VMP1: variants seen among roughly 807,000 people sequenced by gnomAD.
The protein encoded by VMP1 is vacuole membrane protein 1.
A neutral mutation model predicts 56.0 loss-of-function variants in VMP1; 11 were observed. The observed-to-expected ratio is 0.20, with a 90% CI of 0.12 to 0.32. VMP1 has a LOEUF of 0.32. Ranked by LOEUF, VMP1 falls within the 10% of genes least tolerant of loss-of-function variation. VMP1 has a pLI of 1.00. For missense variants in VMP1, 296 were observed against 490.3 expected (o/e 0.60, Z 3.74); for synonymous variants, 149 against 165.0 (o/e 0.90, Z 0.74).
At chr17:59,787,810 A>C (rs2037058245) in intron 7 of VMP1, among the ~76,000 whole-genome samples, 1 of 151,962 alleles carries the variant, frequency 6.6e-6, no homozygotes, top group South Asian at 2.1e-4. Flanking sequence ...GACAGAGTGA[A>C]CTTTGTCTCA....
At chr17:59,793,541 AC>A (rs1223755923) in intron 7 of VMP1, among the ~76,000 whole-genome samples, 1 of 116,696 alleles carries the variant, frequency 8.6e-6, no homozygotes, top group African/African-American at 2.6e-5. Context: ...TTAGGCAGGC[AC>A]CCACCTGAGT....
intron 4 of VMP1, among the ~76,000 whole-genome samples, chr17:59,737,862 T>C (rs1598315164): frequency 6.6e-6 from 1 of 151,994 alleles, no homozygotes. Flanking sequence ...CTCTGCCTCC[T>C]GGGTTCAAGC....
At chr17:59,709,883 C>A (rs766958986) in intron 1 of VMP1, among the ~76,000 whole-genome samples, 1 of 152,172 alleles carries the variant, frequency 6.6e-6, no homozygotes, top group Non-Finnish European at 1.5e-5. Context: ...GTAGTCCTAT[C>A]TTACTTACAT....
At chr17:59,742,732 C>T (rs1486688782) in intron 5 of VMP1, among the ~76,000 whole-genome samples, 1 of 152,000 alleles carries the variant, frequency 6.6e-6, no homozygotes, top group Admixed American at 6.6e-5. Flanking sequence ...GCAAGTGAAG[C>T]TTCATCTGTA....
chr17:59,735,332 TTTCAGACCCCTC>T lies in VMP1; in HGVS notation c.77_88del (p.Asp26_Ser29del). ...CTGTTTTAATCTCTGCACTATTGTT[TTTCAGACCCCTC>T]TTCAGTGAATGAAAAGAAGAGGAGG... On this transcript the variant is annotated splice_acceptor_variant and splice_polypyrimidine_tract_variant and coding_sequence_variant and intron_variant, in exon 3 of 12. Coordinates refer to ENST00000262291, the MANE Select transcript of VMP1 (RefSeq NM_030938.5). LOFTEE classifies it high-confidence loss of function. 6.2e-7 allele frequency: 1 copy of T among 1,613,722 alleles called. No homozygotes were observed. The highest frequency in any genetic ancestry group is 8.5e-7 in the Non-Finnish European group (1 of 1,179,838).
At chr17:59,708,173 A>G (rs2033758077) in intron 1 of VMP1, 3 of 152,402 alleles carry the variant, frequency 2.0e-5, no homozygotes, top group East Asian at 3.9e-4. Context: ...GCATGATGCT[A>G]GATGTATTCG....
intron 5 of VMP1, among the ~76,000 whole-genome samples, chr17:59,744,462 CAAAAAAA>C (rs60407542): frequency 3.7e-5 from 2 of 53,874 alleles, no homozygotes; most frequent in African/African-American, 1.3e-4. Flanking sequence ...AATTCCATCT[CAAAAAAA>C]AAAAAAAAAA....
intron 6 of VMP1, among the ~76,000 whole-genome samples, chr17:59,767,059 C>T (rs767430156): frequency 2.6e-5 from 4 of 151,972 alleles, no homozygotes; most frequent in Non-Finnish European, 5.9e-5. Flanking sequence ...GCCCTGTATG[C>T]CTAAATTTAT....
At chr17:59,772,580 C>T (rs971008158) in intron 6 of VMP1, among the ~76,000 whole-genome samples, 2 of 151,506 alleles carry the variant, frequency 1.3e-5, no homozygotes, top group African/African-American at 2.4e-5. Flanking sequence ...ACCAGCCTGG[C>T]CAACATAGTG....
chr17:59,743,538 G>C (rs1445056861), intron 5 of VMP1, among the ~76,000 whole-genome samples: 1 of 149,524 alleles, frequency 6.7e-6, no homozygotes, highest in East Asian at 2.0e-4. Flanking sequence ...GTTCCTGTTT[G>C]GCAATTATTT....
chr17:59,798,660 G>A (rs2037532319), intron 7 of VMP1, among the ~76,000 whole-genome samples: 1 of 152,230 alleles, frequency 6.6e-6, no homozygotes, highest in African/African-American at 2.4e-5. Flanking sequence ...GCCAAGGCAG[G>A]CGGATCACCT....
At chr17:59,803,034 C>T (rs1423592794) in intron 7 of VMP1, among the ~76,000 whole-genome samples, 1 of 152,140 alleles carries the variant, frequency 6.6e-6, no homozygotes. Flanking sequence ...CATGAGCCAC[C>T]GCATATGGCC....
At chr17:59,737,196 A>G (rs956505583) in intron 3 of VMP1, among the ~76,000 whole-genome samples, 1 of 152,192 alleles carries the variant, frequency 6.6e-6, no homozygotes, top group Admixed American at 6.5e-5. Context: ...TCTCCATATT[A>G]TAAGTTGAGG....
At chr17:59,745,747 T>C (rs1467803337) in intron 5 of VMP1, among the ~76,000 whole-genome samples, 1 of 152,172 alleles carries the variant, frequency 6.6e-6, no homozygotes, top group Non-Finnish European at 1.5e-5. Context: ...AATATACCCA[T>C]ATAACTAACC....
At chr17:59,733,671 C>A (rs988241741) in intron 2 of VMP1, among the ~76,000 whole-genome samples, 1 of 152,090 alleles carries the variant, frequency 6.6e-6, no homozygotes, top group Non-Finnish European at 1.5e-5. Context: ...TACCACTGCA[C>A]CCCAGCCTGG....
intron 7 of VMP1, among the ~76,000 whole-genome samples, chr17:59,789,378 T>TA (rs2037135564): frequency 6.9e-6 from 1 of 145,926 alleles, no homozygotes; most frequent in African/African-American, 2.6e-5. Context: ...CTACTAAAAA[T>TA]ACAAAAATTA....
rs1185978476 is a variant in VMP1 at position 59,759,907 on chromosome 17, T to TTG, written c.415-5063_415-5062insGT. Among the ~76,000 whole-genome samples, 844 of 113,972 alleles carry TTG rather than the reference T, an allele frequency of 7.4e-3. 6 individuals carry two copies. The highest frequency in any genetic ancestry group is 0.011 in the Non-Finnish European group (523 of 49,264). The allele number at this position is 113,972 out of a possible 152,430, so 74.8% of individuals were successfully genotyped here. ...TGTTTTGTTTTGTTTTTTGGTGTTTTTTTTTTTTTTTTTTTTGGTATTGAA... is the reference window on the plus strand; with the variant it reads ...TGTTTTGTTTTGTTTTTTGGTGTTTTTGTTTTTTTTTTTTTTTTGGTATTGAA... On this transcript the variant is annotated intron_variant, in intron 5 of 11. Transcript: ENST00000262291.
rs530907168 is a variant in VMP1, at chr17:59,821,539, C to CT, written c.974+3789dup. On this transcript the variant is annotated intron_variant, in intron 10 of 11. Transcript: ENST00000262291. ...TACAGGGATTACCTCAGCTACTTTT[C>CT]TTTTTTTTTTTTTTTTTTTTTTTGA... 3.3e-3 allele frequency among the ~76,000 whole-genome samples: 342 copies of CT among 104,622 alleles called. 3 individuals carry two copies. The highest frequency in any genetic ancestry group is 4.8e-3 in the East Asian group (19 of 3,918). The allele number at this position is 104,622 out of a possible 152,430, so 68.6% of individuals were successfully genotyped here. A position where few individuals can be genotyped will look rare whatever the true frequency, so the allele number is the denominator to read the frequency against.
At chr17:59,778,552 A>C (rs1459841557) in intron 7 of VMP1, among the ~76,000 whole-genome samples, 2 of 152,090 alleles carry the variant, frequency 1.3e-5, no homozygotes, top group Non-Finnish European at 2.9e-5. Context: ...AAAAAAAAAA[A>C]AAAAGAATAA....
Sources: gnomAD v4.1 joint callset for allele counts (sites outside exome capture counted in the v4.1 genomes callset) on GRCh38, gnomAD v4.1.1 for gene constraint, MANE v1.5 for transcripts, NCBI Gene and HGNC (gene_info 2026-07-23, HGNC 2026-07-21) for gene names.